Variants in OLFM4 observed in about 807,000 individuals in gnomAD.
OLFM4 encodes the protein olfactomedin-4.
Under a neutral mutation model 25.5 loss-of-function variants are expected in OLFM4, and 22 were observed. The observed-to-expected ratio is 0.86, with a 90% CI of 0.62 to 1.23. The LOEUF (loss-of-function observed/expected upper bound fraction) is 1.23. OLFM4 is among the 50% of genes most tolerant of loss of function. The probability of loss-of-function intolerance (pLI) is 0.00; values close to 1 mark genes in which losing one functional copy is unlikely to be tolerated. For synonymous variants in OLFM4, 255 were observed against 237.7 expected (o/e 1.07, Z -0.67); for missense variants, 594 against 619.4 (o/e 0.96, Z 0.44).
At chr13:53,044,237 G>T (rs550088418) in intron 4 of OLFM4, among the ~76,000 whole-genome samples, 4 of 152,268 alleles carry the variant, frequency 2.6e-5, no homozygotes, top group South Asian at 4.1e-4. Context: ...AGCAGTGCCA[G>T]ATTACTGTGC....
chr13:53,049,788 A>G (rs964130867), intron 4 of OLFM4, among the ~76,000 whole-genome samples, 181 bp from the exon 5 acceptor site: 3 of 152,188 alleles, frequency 2.0e-5, no homozygotes, highest in Admixed American at 6.5e-5. Flanking sequence ...TTGGGTTTGC[A>G]TTGAGACTGA....
chr13:53,029,164 T>A, intron 1 of OLFM4, 124 bp downstream of exon 1: 1 of 1,363,244 alleles, frequency 7.3e-7, no homozygotes, highest in Non-Finnish European at 1.0e-6. Context: ...CTCATTTTGT[T>A]AACTATAGGT....
intron 4 of OLFM4, among the ~76,000 whole-genome samples, chr13:53,048,264 G>A (rs538573385): frequency 2.0e-5 from 3 of 152,130 alleles, no homozygotes; most frequent in East Asian, 3.9e-4. Context: ...CTGAAAACAC[G>A]TTGCTTTTTT....
rs1198244453 is a variant in OLFM4, at chr13:53,050,379, C to T, written c.1141C>T (p.Gln381Ter). Residue 381 changes from glutamine (Q) to a stop codon, truncating the protein, a stop_gained, in exon 5 of 5, where the codon CAA becomes TAA. Transcript: ENST00000219022. LOFTEE classifies it high-confidence loss of function. Reference protein sequence around the residue: ...NRFSYANVAWQDIDFAVDENG... With the variant: ...NRFSYANVAW ...CTTTTCATATGCTAATGTTGCTTGG[C>T]AAGATATTGACTTTGCTGTGGATGA... 3.1e-6 allele frequency: 5 copies of T among 1,613,894 alleles called. No individual in the cohort carries two copies. Among genetic ancestry groups the T allele is most frequent in the Non-Finnish European group, 4.2e-6 (5 of 1,179,990 alleles).
Position 53,050,724 on chromosome 13 carries a change from G to A in OLFM4, c.1486G>A (p.Gly496Ser). 3.1e-6 allele frequency: 5 copies of A among 1,609,676 alleles called. No homozygotes were observed. The highest frequency in any genetic ancestry group is 4.2e-6 in the Non-Finnish European group (5 of 1,178,422). ...FDQKLYVYND[G>S]YLLNYDLSVL... ...CCAGAAACTTTATGTCTATAACGAT[G>A]GTTACCTTCTGAATTATGATCTTTC... The change falls in exon 5 of 5, where the codon GGT becomes AGT. Residue 496 changes from glycine to serine, a missense_variant. Transcript: ENST00000219022.
At chr13:53,034,632 AT>A in intron 2 of OLFM4, 132 bp downstream of exon 2, 1 of 799,110 alleles carries the variant, frequency 1.3e-6, no homozygotes, top group Non-Finnish European at 1.9e-6. Context: ...TGATTTTAGT[AT>A]TTATTTTATA....
At position 53,028,958 on chromosome 13, in the gene OLFM4, ACTCCAGCTCCAG is replaced by A. The variant is rs760781968; in HGVS notation, c.125_136del (p.Ser42_Ser45del). The A allele has an allele frequency of 4.7e-5, 76 of 1,613,714 alleles. No homozygotes were observed. Among genetic ancestry groups the A allele is most frequent in the Non-Finnish European group, 5.9e-5 (70 of 1,179,968 alleles). On this transcript the variant is annotated inframe_deletion, in exon 1 of 5. Transcript: ENST00000219022. ...GGCTTCAGCTCTTTCCCAGGTGTTG[ACTCCAGCTCCAG>A]CTTCAGCTCCAGCTCCAGGTCGGGC...
chr13:53,046,591 T>A (rs1337315551), intron 4 of OLFM4, among the ~76,000 whole-genome samples: 1 of 152,208 alleles, frequency 6.6e-6, no homozygotes, highest in African/African-American at 2.4e-5. Flanking sequence ...CAAACATAAT[T>A]TGGTGCCACT....
chr13:53,032,914 GC>G (rs1391426497), intron 1 of OLFM4, among the ~76,000 whole-genome samples: 1 of 152,094 alleles, frequency 6.6e-6, no homozygotes, highest in African/African-American at 2.4e-5. Context: ...CCTGCAGCTG[GC>G]TGACCTGAAC....
intron 4 of OLFM4, among the ~76,000 whole-genome samples, chr13:53,046,873 A>C (rs1053903564): frequency 6.6e-6 from 1 of 152,230 alleles, no homozygotes; most frequent in Non-Finnish European, 1.5e-5. Flanking sequence ...CTACTGTTGG[A>C]ATCAGGCTTT....
intron 1 of OLFM4, among the ~76,000 whole-genome samples, chr13:53,034,029 C>G (rs112096681): frequency 0.33 from 46,890 of 141,632 alleles, 8,997 homozygotes; most frequent in Middle Eastern, 0.48. Context: ...TGCACTCCAG[C>G]CTGGGCGACA....
In OLFM4 at chr13:53,041,925, C is replaced by A; in HGVS notation, c.373C>A (p.Gln125Lys). ...KELSKVREYV[Q>K]LISVYEKKLL... ...TTTCTTTCAGGTGAGGGAATATGTC[C>A]AATTAATTAGTGTGTATGAAAAGAA... The change falls in exon 3 of 5, where the codon CAA becomes AAA. Residue 125 changes from glutamine (Q) to lysine (K), a missense_variant. Transcript: ENST00000219022. 1.9e-6 allele frequency: 3 copies of A among 1,613,192 alleles called. No homozygotes were observed. The highest frequency in any genetic ancestry group is 2.5e-6 in the Non-Finnish European group (3 of 1,179,324).
rs777731504 is a variant in OLFM4 at position 53,043,272 on chromosome 13, T to G, written c.730+8T>G. On this transcript the variant is annotated splice_region_variant and intron_variant, in intron 4 of 4. Transcript: ENST00000219022. Reference sequence around the variant, plus strand: ...ACCCTCCTCCCACTCCAGGTAAGCATGCCAGTTTTTTTAACCACTTGTGCC... The same window carrying G: ...ACCCTCCTCCCACTCCAGGTAAGCAGGCCAGTTTTTTTAACCACTTGTGCC... 3 of 1,587,216 alleles carry G rather than the reference T, an allele frequency of 1.9e-6. No homozygotes were observed. The highest frequency in any genetic ancestry group is 2.3e-5 in the South Asian group (2 of 86,744).
intron 2 of OLFM4, among the ~76,000 whole-genome samples, chr13:53,040,427 C>T (rs1954681096): frequency 6.6e-6 from 1 of 152,218 alleles, no homozygotes; most frequent in Non-Finnish European, 1.5e-5. Context: ...CTCTATGCCA[C>T]TTTGTAAAAG....
chr13:53,043,101 T>G lies in OLFM4; in HGVS notation c.571-4T>G, dbSNP rs764161531. The G allele has an allele frequency of 3.2e-6, 5 of 1,580,650 alleles. No homozygotes were observed. Among genetic ancestry groups the G allele is most frequent in the Non-Finnish European group, 4.3e-6 (5 of 1,167,436 alleles). On this transcript the variant is annotated splice_polypyrimidine_tract_variant and splice_region_variant and intron_variant, in intron 3 of 4. Coordinates refer to ENST00000219022, the MANE Select transcript of OLFM4 (RefSeq NM_006418.5). ...AAAGTCACTCTGAATTTTTATTTCCTTAGATAAGAAATATGACTCTCTTGG... is the reference window on the plus strand; with the variant it reads ...AAAGTCACTCTGAATTTTTATTTCCGTAGATAAGAAATATGACTCTCTTGG...
chr13:53,048,022 A>G (rs919792038), intron 4 of OLFM4, among the ~76,000 whole-genome samples: 1 of 152,200 alleles, frequency 6.6e-6, no homozygotes, highest in Non-Finnish European at 1.5e-5. Context: ...TAGTTAAATA[A>G]ATAAGTTCTC....
In OLFM4 at chr13:53,048,997, C is replaced by T. The variant is rs747426724; in HGVS notation, c.731-972C>T. On this transcript the variant is annotated intron_variant, in intron 4 of 4. Transcript: ENST00000219022. The stretch of plus-strand genomic sequence containing the variant: ...ACTCCTGGGATGGCAGGCATTTCAG[C>T]GGGAGTACAATGTGAAGGGTTGATC... Among the ~76,000 whole-genome samples the T allele has an allele frequency of 3.9e-5, 6 of 152,008 alleles. No individual in the cohort carries two copies. The South Asian group carries it at 6.2e-4, about 16-fold the overall frequency.
chr13:53,042,401 G>T (rs1954692602), intron 3 of OLFM4, among the ~76,000 whole-genome samples: 1 of 152,196 alleles, frequency 6.6e-6, no homozygotes, highest in South Asian at 2.1e-4. Flanking sequence ...CTGAAAAGGA[G>T]CTGGCATAAA....
intron 4 of OLFM4, 69 bp downstream of exon 4, chr13:53,043,333 G>A (rs1954697959): frequency 1.6e-6 from 2 of 1,261,504 alleles, no homozygotes; most frequent in South Asian, 2.1e-5. Flanking sequence ...GGTGGGGAAG[G>A]GATTGGGGAT....
Sources: gnomAD v4.1 joint callset for allele counts (sites outside exome capture counted in the v4.1 genomes callset) on GRCh38, gnomAD v4.1.1 for gene constraint, MANE v1.5 for transcripts, NCBI Gene and HGNC (gene_info 2026-07-23, HGNC 2026-07-21) for gene names.